The following BEND2 variants were observed in gnomAD, a reference collection of about 807,000 sequenced individuals.
BEND2 encodes the protein BEN domain-containing protein 2.
BEND2 carries 19 observed loss-of-function variants against 43.8 expected under a neutral mutation model. The ratio of observed to expected loss-of-function variants is 0.43; its 90% CI spans 0.30 to 0.64. The LOEUF (loss-of-function observed/expected upper bound fraction) is 0.64. BEND2 is among the 30% of genes least tolerant of loss of function. The pLI is 0.11. For missense variants in BEND2, 544 were observed against 574.0 expected, an observed-to-expected ratio of 0.95 and a Z score of 0.53; for synonymous variants, 226 against 210.1, an observed-to-expected ratio of 1.08 and a Z score of -0.66.
intron 5 of BEND2, among the ~76,000 whole-genome samples, chrX:18,202,914 T>C (rs894482045): frequency 3.6e-5 from 4 of 111,591 alleles, no homozygotes; most frequent in Non-Finnish European, 5.6e-5. Flanking sequence ...GGTTAAACCA[T>C]GGCACACCTA....
intron 7 of BEND2, 61 bp downstream of exon 7, chrX:18,195,235 T>G: frequency 9.0e-7 from 1 of 1,114,219 alleles, no homozygotes; most frequent in Non-Finnish European, 1.2e-6. Context: ...GAATTAATAT[T>G]AAGAATGTTG....
chrX:18,187,191 A>G (rs1456843354), intron 8 of BEND2, among the ~76,000 whole-genome samples: 1 of 111,326 alleles, frequency 9.0e-6, no homozygotes, highest in East Asian at 2.8e-4. Flanking sequence ...CTCTCCAATC[A>G]AAAGATAGAG....
intron 13 of BEND2, among the ~76,000 whole-genome samples, chrX:18,167,525 A>G (rs1031996416): frequency 1.8e-5 from 2 of 111,382 alleles, no homozygotes; most frequent in African/African-American, 6.5e-5. Flanking sequence ...TTATAGCAAG[A>G]AAGATCTAGA....
At position 18,195,401 on chromosome X, in the gene BEND2, T is replaced by C; in HGVS notation, c.1075A>G (p.Thr359Ala). 1 of 1,209,252 alleles carries C rather than the reference T, an allele frequency of 8.3e-7. No homozygotes were observed. Among genetic ancestry groups the C allele is most frequent in the Non-Finnish European group, 1.1e-6 (1 of 894,119 alleles). The part of the protein sequence containing the change: ...ILTEMPGTTE[T>A]NVENNSQTVY... ...GTCTGAGAGTTATTTTCCACGTTGG[T>C]TTCTGTTGTTCCTGGCATTTCAGTA... The change falls in exon 7 of 14, where the codon ACC becomes GCC. Residue 359 changes from threonine to alanine, a missense_variant. Thr to Ala is a moderately conservative substitution (Grantham distance 58). Around this residue, in one of 2 missense-constraint regions of BEND2, gnomAD observed 501 missense variants for 501.6 expected, o/e 1.00. Transcript: ENST00000380033.
At position 18,216,739 on chromosome X, in the gene BEND2, A is replaced by G. The variant is rs1925687647; in HGVS notation, c.26-6T>C. ...GACAGTTATAATAACAAAATCTAAG[A>G]ATAAGCAAAGAGGAAGATTAGATTC... On this transcript the variant is annotated splice_polypyrimidine_tract_variant and splice_region_variant and intron_variant, in intron 1 of 13. Coordinates refer to ENST00000380033, the MANE Select transcript of BEND2 (RefSeq NM_153346.5). 2.6e-6 allele frequency: 3 copies of G among 1,155,431 alleles called. No homozygotes were observed. The highest frequency in any genetic ancestry group is 1.8e-5 in the African/African-American group (1 of 56,415).
chrX:18,168,943 T>C (rs1923892563), intron 13 of BEND2, among the ~76,000 whole-genome samples: 1 of 111,253 alleles, frequency 9.0e-6, no homozygotes, highest in African/African-American at 3.3e-5. Flanking sequence ...TGCAAAAAGA[T>C]TACTGTACAT....
intron 4 of BEND2, among the ~76,000 whole-genome samples, chrX:18,206,603 C>T: frequency 9.1e-6 from 1 of 110,148 alleles, no homozygotes; most frequent in Middle Eastern, 4.6e-3. Flanking sequence ...GCTCTGAGTT[C>T]GGGGAGGGGA....
intron 8 of BEND2, among the ~76,000 whole-genome samples, chrX:18,181,914 T>C (rs192277077): frequency 1.8e-5 from 2 of 111,802 alleles, no homozygotes; most frequent in African/African-American, 6.5e-5. Flanking sequence ...ACGTTAAATG[T>C]AAATGATCTA....
intron 6 of BEND2, among the ~76,000 whole-genome samples, chrX:18,199,928 T>C (rs1925085041): frequency 1.8e-5 from 2 of 111,822 alleles, no homozygotes; most frequent in Non-Finnish European, 3.8e-5. Flanking sequence ...CATGCATTGC[T>C]GGTGGAAATG....
At chrX:18,169,036 C>A (rs1276013649) in intron 13 of BEND2, among the ~76,000 whole-genome samples, 3 of 110,239 alleles carry the variant, frequency 2.7e-5, no homozygotes, top group African/African-American at 9.9e-5. Context: ...AGGCCAAGAT[C>A]GGAGGATTGC....
rs181692785 is a variant in BEND2, at chrX:18,214,062, A to C, written c.239-151T>G. ...AAGTAATTACATTCTGATGTATTCA[A>C]ACAAAGGAACTATACAGCAGTGAGA... On this transcript the variant is annotated intron_variant, in intron 2 of 13. Coordinates refer to ENST00000380033, the MANE Select transcript of BEND2 (RefSeq NM_153346.5). Among the ~76,000 whole-genome samples the C allele has an allele frequency of 2.2e-4, 25 of 112,083 alleles. No homozygotes were observed. The Admixed American group carries it at 2.3e-3, about 10-fold the overall frequency.
intron 7 of BEND2, among the ~76,000 whole-genome samples, chrX:18,193,602 G>T (rs998728343): frequency 9.0e-6 from 1 of 111,107 alleles, no homozygotes; most frequent in African/African-American, 3.3e-5. Context: ...AGTGGAAGGG[G>T]TATTTCTCTG....
At chrX:18,218,444 G>T (rs1192934073) in intron 1 of BEND2, among the ~76,000 whole-genome samples, 1 of 112,674 alleles carries the variant, frequency 8.9e-6, no homozygotes, top group Non-Finnish European at 1.9e-5. Context: ...TCAAACTAGA[G>T]CTAGTAAAGC....
rs187344824 is a variant in BEND2 at position 18,163,194 on chromosome X, G to A, written c.*1815C>T. 1 of 111,687 alleles carries A rather than the reference G, an allele frequency of 9.0e-6. No homozygotes were observed. Among genetic ancestry groups the A allele is most frequent in the Non-Finnish European group, 1.9e-5 (1 of 53,145 alleles). The allele number at this position is 111,687 out of a possible 1,213,427, so 9.2% of individuals were successfully genotyped here. On this transcript the variant is annotated 3_prime_UTR_variant, in exon 14 of 14. Coordinates refer to ENST00000380033, the MANE Select transcript of BEND2 (RefSeq NM_153346.5). ...CTCCCTCTTGAGCCCAGGAGTTCCA[G>A]ATAAGCCTGGGCAATATAGCAAGAT...
At chrX:18,171,369 T>A (rs921316892) in intron 12 of BEND2, among the ~76,000 whole-genome samples, 165 bp from the exon 13 acceptor site, 1 of 111,764 alleles carries the variant, frequency 8.9e-6, no homozygotes, top group African/African-American at 3.2e-5. Flanking sequence ...AAAGACAGAG[T>A]CTTGCTTTGT....
intron 4 of BEND2, among the ~76,000 whole-genome samples, chrX:18,207,663 G>A (rs1925378916): frequency 8.9e-6 from 1 of 111,801 alleles, no homozygotes; most frequent in East Asian, 2.8e-4. Context: ...GAAATTTTTT[G>A]AAAAATGTAT....
At position 18,177,681 on chromosome X, in the gene BEND2, G is replaced by A. The variant is rs1230630625; in HGVS notation, c.1518C>T (p.Ala506=). 8.3e-7 allele frequency: 1 copy of A among 1,207,944 alleles called. No homozygotes were observed. The highest frequency in any genetic ancestry group is 3.0e-5 in the East Asian group (1 of 33,700). The change falls in exon 10 of 14, where the codon GCC becomes GCT. Residue 506 remains alanine, a synonymous_variant. Coordinates refer to ENST00000380033, the MANE Select transcript of BEND2 (RefSeq NM_153346.5). ...AGAACAAAATACGAACCAAGTAGCA[G>A]GCTGCTTGCTTAGGTTTGGCCATAT... ...VQNMAKPKQA[A]CYLVRILFSK... is the part of the protein sequence containing the mutation.
chrX:18,177,009 T>C (rs1924185303), intron 10 of BEND2, among the ~76,000 whole-genome samples: 1 of 110,614 alleles, frequency 9.0e-6, no homozygotes, highest in Non-Finnish European at 1.9e-5. Flanking sequence ...CTGGGATGTA[T>C]CTGTTTCCAT....
chrX:18,176,641 T>G (rs1924169139), intron 10 of BEND2, among the ~76,000 whole-genome samples: 2 of 110,050 alleles, frequency 1.8e-5, no homozygotes, highest in South Asian at 7.9e-4. Flanking sequence ...ATCAAACCAC[T>G]GCACTCCAGC....
Sources: gnomAD v4.1 joint callset for allele counts (sites outside exome capture counted in the v4.1 genomes callset) on GRCh38, gnomAD v4.1.1 for gene constraint, gnomAD v4.1.1 regional missense constraint, MANE v1.5 for transcripts, NCBI Gene and HGNC (gene_info 2026-07-23, HGNC 2026-07-21) for gene names.